The following TULP4 variants were observed in gnomAD, a reference collection of about 807,000 sequenced individuals.
TULP4 encodes TUB like protein 4, also known as tubby-related protein 4.
In TULP4, 16 loss-of-function variants were observed where a neutral mutation model predicts 129.0. That is an observed-to-expected ratio of 0.12 (90% CI 0.08 to 0.19). The LOEUF is 0.19. Among genes scored for constraint, TULP4 ranks in the 10% least tolerant of loss-of-function variants. The pLI, the probability that TULP4 is intolerant of heterozygous loss-of-function variation, is 1.00. For missense variants in TULP4, 1,842 were observed against 2,059.1 expected, an observed-to-expected ratio of 0.89 and a Z score of 2.04; for synonymous variants, 998 against 854.0, an observed-to-expected ratio of 1.17 and a Z score of -2.94.
At chr6:158,422,565 T>G (rs1319658084) in intron 2 of TULP4, among the ~76,000 whole-genome samples, 1 of 152,070 alleles carries the variant, frequency 6.6e-6, no homozygotes, top group Non-Finnish European at 1.5e-5. Flanking sequence ...GGAGCGGTTT[T>G]AAGGAGCGGA....
At chr6:158,450,837 A>T (rs971360555) in intron 4 of TULP4, among the ~76,000 whole-genome samples, 1 of 151,996 alleles carries the variant, frequency 6.6e-6, no homozygotes, top group African/African-American at 2.4e-5. Flanking sequence ...CGGGTGGATC[A>T]TGAGGTCAGG....
chr6:158,243,269 T>C (rs1240915073), intron 1 of TULP4, among the ~76,000 whole-genome samples: 1 of 152,206 alleles, frequency 6.6e-6, no homozygotes, highest in Non-Finnish European at 1.5e-5. Context: ...GTAAATATTT[T>C]AGTACATGTC....
At chr6:158,238,539 A>C (rs574578699) in intron 1 of TULP4, 56 of 259,926 alleles carry the variant, frequency 2.2e-4, no homozygotes, top group African/African-American at 7.6e-4. Flanking sequence ...CAAGTGAACA[A>C]AGGTCTCTGG....
intron 1 of TULP4, among the ~76,000 whole-genome samples, chr6:158,358,651 C>T (rs557354640): frequency 7.3e-4 from 111 of 152,286 alleles, no homozygotes; most frequent in African/African-American, 2.4e-3. Flanking sequence ...ATATGAGAAA[C>T]GGTTCTGCAC....
intron 6 of TULP4, among the ~76,000 whole-genome samples, chr6:158,462,030 G>A (rs928189646): frequency 6.6e-6 from 1 of 152,146 alleles, no homozygotes; most frequent in African/African-American, 2.4e-5. Flanking sequence ...TTGTAGGAGA[G>A]GAAGAGTAAT....
At chr6:158,244,449 A>G (rs769459624) in intron 1 of TULP4, among the ~76,000 whole-genome samples, 3 of 152,132 alleles carry the variant, frequency 2.0e-5, no homozygotes, top group African/African-American at 7.2e-5. Flanking sequence ...CTAAGTCCCA[A>G]TGTGATAGTA....
chr6:158,503,283 G>A lies in TULP4; in HGVS notation c.3620G>A (p.Cys1207Tyr). ...CCTTTGCCTGGAGTGCAGGCTCCCT[G>A]CTCTCCCAAAGATGCCCTGTCCCCA... ...NPPLPGVQAP[C>Y]SPKDALSPTQ... Residue 1207 changes from cysteine to tyrosine, a missense_variant, in exon 13 of 14, where the codon TGC (cysteine) becomes TAC (tyrosine). Coordinates refer to ENST00000367097, the MANE Select transcript of TULP4 (RefSeq NM_020245.5). This position sits in a 1 kb window ranked among gnomAD's most constrained non-coding sequence, Gnocchi z 4.3. 2 of 1,613,858 alleles carry A rather than the reference G, an allele frequency of 1.2e-6. No individual in the cohort carries two copies. Among genetic ancestry groups the A allele is most frequent in the Non-Finnish European group, 1.7e-6 (2 of 1,179,974 alleles).
At chr6:158,463,156 A>G (rs1411220113) in intron 6 of TULP4, among the ~76,000 whole-genome samples, 2 of 152,190 alleles carry the variant, frequency 1.3e-5, no homozygotes, top group African/African-American at 4.8e-5. Flanking sequence ...CTAGTCTCCT[A>G]CAGTCATATT....
chr6:158,364,988 G>A (rs189133142), intron 1 of TULP4, among the ~76,000 whole-genome samples: 1 of 152,048 alleles, frequency 6.6e-6, no homozygotes, highest in African/African-American at 2.4e-5. Context: ...ACCTGCCTCG[G>A]CCTCCCAAAG....
chr6:158,400,732 T>C (rs1331949202), intron 1 of TULP4, among the ~76,000 whole-genome samples: 5 of 152,190 alleles, frequency 3.3e-5, no homozygotes, highest in African/African-American at 9.7e-5. Flanking sequence ...TGCAGTTAGT[T>C]GAGCTAGATT....
chr6:158,419,836 A>G (rs1338569329), intron 2 of TULP4, among the ~76,000 whole-genome samples: 1 of 152,254 alleles, frequency 6.6e-6, no homozygotes, highest in East Asian at 1.9e-4. Context: ...GGAAACTAAT[A>G]GAACTGAAAG....
intron 1 of TULP4, among the ~76,000 whole-genome samples, chr6:158,234,584 G>A (rs902539914): frequency 6.6e-6 from 1 of 152,134 alleles, no homozygotes; most frequent in Non-Finnish European, 1.5e-5. Flanking sequence ...AGATAGAGTG[G>A]CTCAGCTATG....
At chr6:158,285,126 T>C (rs1778813737) in intron 1 of TULP4, among the ~76,000 whole-genome samples, 1 of 152,228 alleles carries the variant, frequency 6.6e-6, no homozygotes, top group Admixed American at 6.5e-5. Context: ...ATTTCATGTA[T>C]GTGAATTTCC....
In TULP4 at chr6:158,494,836, C is replaced by T. The variant is rs759798360; in HGVS notation, c.1860C>T (p.Asn620=). ...GCTTGGCTGCTTTCCTGCCAACCAA[C>T]CTCGGTGCAGGTAAAAATCATGTCC... ...IVGLAAFLPT[N]LGAVIYKTSL... Residue 620 remains asparagine (N), a synonymous_variant, in exon 11 of 14, where the codon AAC becomes AAT. Transcript: ENST00000367097. The T allele has an allele frequency of 6.2e-7, 1 of 1,613,998 alleles. No homozygotes were observed. Among genetic ancestry groups the T allele is most frequent in the Non-Finnish European group, 8.5e-7 (1 of 1,179,956 alleles).
intron 3 of TULP4, among the ~76,000 whole-genome samples, chr6:158,436,447 T>A (rs1347803268): frequency 6.6e-6 from 1 of 152,226 alleles, no homozygotes; most frequent in African/African-American, 2.4e-5. Flanking sequence ...ATATAGTGGA[T>A]GAAAGAATGT....
intron 1 of TULP4, among the ~76,000 whole-genome samples, chr6:158,276,873 C>G (rs1013965405): frequency 2.0e-5 from 3 of 151,910 alleles, no homozygotes; most frequent in Non-Finnish European, 2.9e-5. Context: ...CTTATTAGAA[C>G]CCACATGTTT....
intron 8 of TULP4, among the ~76,000 whole-genome samples, chr6:158,488,799 G>A (rs949558969): frequency 2.0e-5 from 3 of 152,014 alleles, no homozygotes; most frequent in Non-Finnish European, 4.4e-5. Context: ...GGCAGTGGAG[G>A]GGGGTGTGTG....
chr6:158,401,046 G>GTTT (rs148542580), intron 1 of TULP4, among the ~76,000 whole-genome samples: 2 of 120,566 alleles, frequency 1.7e-5, no homozygotes, highest in Non-Finnish European at 3.8e-5. Context: ...GTTTGTTTGG[G>GTTT]TTTTTTGTTG....
At chr6:158,242,320 G>A in intron 1 of TULP4, 1 of 1,554,860 alleles carries the variant, frequency 6.4e-7, no homozygotes, top group Admixed American at 1.7e-5. Context: ...TGGAAGCCCA[G>A]GCTCTCTGGA....
Sources: allele counts gnomAD v4.1 joint callset (sites outside exome capture counted in the v4.1 genomes callset), GRCh38; gene constraint gnomAD v4.1.1; non-coding constraint Gnocchi (gnomAD v3.1); transcripts MANE v1.5; gene names NCBI Gene and HGNC (gene_info 2026-07-23, HGNC 2026-07-21).